ACAT1: variants seen among roughly 807,000 people sequenced by gnomAD.
ACAT1 encodes acetyl-CoA acetyltransferase 1, also known as acetyl-CoA acetyltransferase, mitochondrial.
A neutral mutation model predicts 47.3 loss-of-function variants in ACAT1; 28 were observed. The ratio of observed to expected loss-of-function variants is 0.59; its 90% CI spans 0.44 to 0.81. The LOEUF is 0.81. ACAT1 is among the 30% of genes least tolerant of loss of function. The pLI is 0.00. For missense variants in ACAT1, 469 were observed against 524.3 expected (o/e 0.89, Z 1.03); for synonymous variants, 181 against 173.6 (o/e 1.04, Z -0.34).
intron 8 of ACAT1, 33 bp from the exon 9 acceptor site, chr11:108,142,404 A>C: frequency 2.0e-6 from 3 of 1,489,472 alleles, no homozygotes; most frequent in Non-Finnish European, 2.8e-6. Context: ...TTGTGAAGGA[A>C]TGTTTTGACT....
At chr11:108,119,519 A>G (rs1190390415), upstream of ACAT1, among the ~76,000 whole-genome samples, 1 of 152,150 alleles carries the variant, frequency 6.6e-6, no homozygotes, top group Non-Finnish European at 1.5e-5. Flanking sequence ...GTCATCTTTT[A>G]CTGTGTGATA....
chr11:108,131,372 T>TTTTTTTTTTTTTTTTTTTTTTG (rs1555031491), intron 1 of ACAT1, among the ~76,000 whole-genome samples: 1 of 142,360 alleles, frequency 7.0e-6, no homozygotes, highest in Admixed American at 7.2e-5. Flanking sequence ...TTTTTTTTTT[T>TTTTTTTTTTTTTTTTTTTTTTG]AGACAGTCTT....
intron 2 of ACAT1, among the ~76,000 whole-genome samples, chr11:108,133,346 T>A (rs565761848): frequency 1.1e-4 from 16 of 151,986 alleles, no homozygotes; most frequent in African/African-American, 3.6e-4. Flanking sequence ...AGTGGCTGAG[T>A]GTGGTGGCTC....
intron 10 of ACAT1, among the ~76,000 whole-genome samples, chr11:108,145,875 GTC>G (rs1379917594): frequency 6.6e-6 from 1 of 152,062 alleles, no homozygotes; most frequent in African/African-American, 2.4e-5. Flanking sequence ...GTGAAACCCT[GTC>G]TCTACTAAAA....
At chr11:108,144,784 C>T (rs535130399) in intron 10 of ACAT1, among the ~76,000 whole-genome samples, 1 of 152,086 alleles carries the variant, frequency 6.6e-6, no homozygotes, top group Admixed American at 6.6e-5. Context: ...TGATGATCTG[C>T]TCAGAGCTAG....
chr11:108,141,333 T>C (rs1284516352), intron 7 of ACAT1, among the ~76,000 whole-genome samples: 1 of 123,358 alleles, frequency 8.1e-6, no homozygotes, highest in Non-Finnish European at 1.6e-5. Flanking sequence ...TAAACTGTGA[T>C]CATGCCAGCC....
chr11:108,139,230 C>A, intron 6 of ACAT1, 189 bp downstream of exon 6: 1 of 707,242 alleles, frequency 1.4e-6, no homozygotes, highest in Non-Finnish European at 2.3e-6. Flanking sequence ...GAAATTTTCC[C>A]ACATTTAAAT....
chr11:108,124,913 A>G (rs1043505619), intron 1 of ACAT1, among the ~76,000 whole-genome samples: 2 of 152,116 alleles, frequency 1.3e-5, no homozygotes, highest in Admixed American at 1.3e-4. Flanking sequence ...CTCCATTAAC[A>G]TTGCTAGAAG....
At chr11:108,147,245 G>A in intron 11 of ACAT1, 25 bp from the exon 12 acceptor site, 1 of 1,612,670 alleles carries the variant, frequency 6.2e-7, no homozygotes, top group Non-Finnish European at 8.5e-7. Context: ...CTTCATTAAA[G>A]AAGTAAATGC....
intron 2 of ACAT1, among the ~76,000 whole-genome samples, 158 bp from the exon 3 acceptor site, chr11:108,133,662 A>G (rs1329332359): frequency 6.6e-6 from 1 of 152,228 alleles, no homozygotes; most frequent in Non-Finnish European, 1.5e-5. Context: ...ATAAAGCACT[A>G]GCATTGAACT....
chr11:108,138,055 C>T (rs1237391463), intron 5 of ACAT1, among the ~76,000 whole-genome samples: 1 of 151,870 alleles, frequency 6.6e-6, no homozygotes, highest in African/African-American at 2.4e-5. Flanking sequence ...GTGGTGCGAT[C>T]TTGGCTCACT....
At chr11:108,147,138 G>A in intron 11 of ACAT1, 132 bp from the exon 12 acceptor site, 1 of 1,086,664 alleles carries the variant, frequency 9.2e-7, no homozygotes, top group Non-Finnish European at 1.3e-6. Context: ...TTTAGTTTTA[G>A]AATAGTAGTA....
At chr11:108,118,774 C>G (rs898560542), upstream of ACAT1, among the ~76,000 whole-genome samples, 1 of 152,236 alleles carries the variant, frequency 6.6e-6, no homozygotes, top group African/African-American at 2.4e-5. Flanking sequence ...TAAAGAGCAG[C>G]TTGCCTGCTG....
chr11:108,131,875 A>G, intron 1 of ACAT1, 32 bp from the exon 2 acceptor site: 1 of 1,008,744 alleles, frequency 9.9e-7, no homozygotes, highest in Admixed American at 2.4e-5. Context: ...AATATTTTTT[A>G]CATTATAACA....
intron 7 of ACAT1, among the ~76,000 whole-genome samples, chr11:108,141,369 C>CAAAA (rs60002941): frequency 0.022 from 1,504 of 69,286 alleles, 91 homozygotes; most frequent in African/African-American, 0.048. Context: ...AACCCTGCCT[C>CAAAA]AAAAAAAAAA....
intron 10 of ACAT1, among the ~76,000 whole-genome samples, chr11:108,144,706 GAA>G (rs5794589): frequency 6.6e-6 from 1 of 150,932 alleles, no homozygotes; most frequent in Admixed American, 6.6e-5. Context: ...CCCCCGCAAT[GAA>G]AAAAAAAACT....
chr11:108,144,126 T>G (rs1257586238), intron 10 of ACAT1, 79 bp downstream of exon 10: 2 of 1,504,542 alleles, frequency 1.3e-6, no homozygotes, highest in East Asian at 2.3e-5. Flanking sequence ...TTTTAAGATT[T>G]TAAATGTTAT....
At chr11:108,117,310 T>C (rs1864970157), upstream of ACAT1, among the ~76,000 whole-genome samples, 2 of 131,216 alleles carry the variant, frequency 1.5e-5, no homozygotes, top group Admixed American at 7.4e-5. Flanking sequence ...TGTCTCTCTC[T>C]TTTTTTTTTT....
chr11:108,131,882 A>G (rs2077367279), intron 1 of ACAT1, 25 bp from the exon 2 acceptor site: 3 of 1,120,370 alleles, frequency 2.7e-6, no homozygotes, highest in Non-Finnish European at 3.8e-6. Context: ...TTTACATTAT[A>G]ACATTATAAA....
Sources: gnomAD v4.1 joint callset for allele counts (sites outside exome capture counted in the v4.1 genomes callset) on GRCh38, gnomAD v4.1.1 for gene constraint, MANE v1.5 for transcripts, NCBI Gene and HGNC (gene_info 2026-07-23, HGNC 2026-07-21) for gene names.